The following MECOM variants were observed in gnomAD, a reference collection of about 807,000 sequenced individuals.
MECOM encodes the protein MDS1 and EVI1 complex locus, also known as histone-lysine N-methyltransferase MECOM.
In MECOM, 13 loss-of-function variants were observed where a neutral mutation model predicts 116.3. The observed-to-expected ratio is 0.11, with a 90% confidence interval of 0.07 to 0.18. The LOEUF (loss-of-function observed/expected upper bound fraction) is 0.18. Ranked by LOEUF, MECOM falls within the 10% of genes least tolerant of loss-of-function variation. The probability of loss-of-function intolerance (pLI) is 1.00; values close to 1 mark genes in which losing one functional copy is unlikely to be tolerated. For synonymous variants in MECOM, 528 were observed against 535.2 expected (o/e 0.99, Z 0.19); for missense variants, 1,299 against 1,509.0 (o/e 0.86, Z 2.31).
At chr3:169,629,375 T>C (rs1401540742) in intron 1 of MECOM, among the ~76,000 whole-genome samples, 1 of 152,084 alleles carries the variant, frequency 6.6e-6, no homozygotes, top group Non-Finnish European at 1.5e-5. Flanking sequence ...TCTGTTGTAG[T>C]ATATATACCC....
At position 169,584,564 on chromosome 3, in the gene MECOM, CAAAAAAAA is replaced by C. The variant is rs11323716; in HGVS notation, c.37+78764_37+78771del. Among the ~76,000 whole-genome samples the C allele has an allele frequency of 2.7e-3, 298 of 108,396 alleles. 5 individuals are homozygous for C. The highest frequency in any genetic ancestry group is 0.023 in the Middle Eastern group (5 of 214). 71.1% of individuals were successfully genotyped at this position (108,396 alleles called of 152,430 possible). The stretch of plus-strand genomic sequence containing the variant: ...TGGGCGAAAGAGCGAAACTCCACCT[CAAAAAAAA>C]AAAAAAAAAAATTACAGAAGAAAAT... On this transcript the variant is annotated intron_variant, in intron 1 of 16. Coordinates refer to ENST00000651503, the MANE Select transcript of MECOM (RefSeq NM_004991.4).
rs868328865 is a variant in MECOM, at chr3:169,116,852, T to C, written c.1133-113A>G. 48 of 1,349,574 alleles carry C rather than the reference T, an allele frequency of 3.6e-5. No homozygotes were observed. The Middle Eastern group carries it at 1.1e-3, about 32-fold the overall frequency. 83.6% of individuals were successfully genotyped at this position (1,349,574 alleles called of 1,614,324 possible). ...TCAATTAGGAAGCCAGTAAAAGACA[T>C]TGGAGGCACCAATCTGGGTGCTCCA... is the stretch of plus-strand genomic sequence containing the variant. On this transcript the variant is annotated intron_variant, in intron 7 of 16. Transcript: ENST00000651503.
chr3:169,284,392 A>C (rs1390908546), intron 2 of MECOM, among the ~76,000 whole-genome samples: 1 of 152,028 alleles, frequency 6.6e-6, no homozygotes. Context: ...TAAGAAGTCT[A>C]TTTTTCCCTC....
intron 1 of MECOM, among the ~76,000 whole-genome samples, chr3:169,462,556 G>A (rs918246462): frequency 6.6e-6 from 1 of 152,078 alleles, no homozygotes; most frequent in Non-Finnish European, 1.5e-5. Flanking sequence ...TCATATGTTA[G>A]CACTCAAATC....
At chr3:169,123,999 A>G (rs1731956396) in intron 5 of MECOM, among the ~76,000 whole-genome samples, 1 of 152,138 alleles carries the variant, frequency 6.6e-6, no homozygotes, top group Admixed American at 6.5e-5. Context: ...ACTTTGGGGT[A>G]AACAAATAGG....
At chr3:169,269,736 G>A (rs1397471107) in intron 2 of MECOM, among the ~76,000 whole-genome samples, 1 of 152,102 alleles carries the variant, frequency 6.6e-6, no homozygotes, top group Non-Finnish European at 1.5e-5. Flanking sequence ...TGGCACCCAA[G>A]TATGTCTTCA....
chr3:169,471,824 C>G (rs1749295470), intron 1 of MECOM, among the ~76,000 whole-genome samples: 1 of 152,192 alleles, frequency 6.6e-6, no homozygotes, highest in Non-Finnish European at 1.5e-5. Flanking sequence ...TCCATTTATA[C>G]AATTCACTCT....
intron 2 of MECOM, among the ~76,000 whole-genome samples, chr3:169,154,120 GT>G (rs1741589213): frequency 1.3e-5 from 2 of 152,200 alleles, no homozygotes; most frequent in Admixed American, 6.5e-5. Context: ...TTGCAGCTGA[GT>G]TTGTTCTGTT....
At chr3:169,392,771 T>C (rs1734420562) in intron 1 of MECOM, among the ~76,000 whole-genome samples, 2 of 152,316 alleles carry the variant, frequency 1.3e-5, no homozygotes, top group Non-Finnish European at 1.5e-5. Context: ...GCTAGAACTA[T>C]ATATGTACTA....
intron 2 of MECOM, among the ~76,000 whole-genome samples, chr3:169,182,365 T>G (rs1393101954): frequency 6.6e-6 from 1 of 152,228 alleles, no homozygotes; most frequent in Non-Finnish European, 1.5e-5. Flanking sequence ...AAATTATAAA[T>G]CTGGGATTAA....
rs116216864 is a variant in MECOM at position 169,099,584 on chromosome 3, A to T, written c.2849+1301T>A. Among the ~76,000 whole-genome samples the T allele has an allele frequency of 4.2e-3, 607 of 145,740 alleles. 3 individuals carry two copies. The highest frequency in any genetic ancestry group is 0.018 in the South Asian group (81 of 4,570). On this transcript the variant is annotated intron_variant, in intron 12 of 16. Coordinates refer to ENST00000651503, the MANE Select transcript of MECOM (RefSeq NM_004991.4). ...TCTTCTAAGATTTCAATTATCCTCAAATGACCCATTTTCTTATTTTACCAT... is the reference window on the plus strand; with the variant it reads ...TCTTCTAAGATTTCAATTATCCTCATATGACCCATTTTCTTATTTTACCAT...
At chr3:169,351,057 G>A (rs921180218) in intron 2 of MECOM, among the ~76,000 whole-genome samples, 3 of 151,768 alleles carry the variant, frequency 2.0e-5, no homozygotes, top group Admixed American at 6.6e-5. Context: ...TAACTAATCC[G>A]ATTTACATTC....
chr3:169,371,514 T>TACAC (rs35247420), intron 2 of MECOM, among the ~76,000 whole-genome samples: 76,862 of 149,328 alleles, frequency 0.51, 20,024 homozygotes, highest in East Asian at 0.63. Context: ...GTATTTTCAC[T>TACAC]ACACACACAC....
chr3:169,400,247 C>T (rs549276914), intron 1 of MECOM, among the ~76,000 whole-genome samples: 15 of 152,006 alleles, frequency 9.9e-5, no homozygotes, highest in Non-Finnish European at 1.8e-4. Context: ...TACTTGGCTA[C>T]GAGTGGAATG....
At chr3:169,245,264 G>A (rs76669327) in intron 2 of MECOM, among the ~76,000 whole-genome samples, 5,601 of 152,212 alleles carry the variant, frequency 0.037, 153 homozygotes, top group Middle Eastern at 0.19. Context: ...AAAAACAACA[G>A]AACAGCCACG....
intron 2 of MECOM, among the ~76,000 whole-genome samples, chr3:169,246,482 G>A (rs1057072018): frequency 7.4e-5 from 11 of 149,212 alleles, no homozygotes; most frequent in Admixed American, 7.3e-4. Flanking sequence ...CTTGATAAAA[G>A]TTAATTAGAT....
At chr3:169,465,665 T>G (rs1309108223) in intron 1 of MECOM, among the ~76,000 whole-genome samples, 2 of 152,210 alleles carry the variant, frequency 1.3e-5, no homozygotes, top group Non-Finnish European at 2.9e-5. Flanking sequence ...ATTGAACACT[T>G]GGTGTAGATT....
At chr3:169,540,488 A>C (rs990062049) in intron 1 of MECOM, among the ~76,000 whole-genome samples, 3 of 152,326 alleles carry the variant, frequency 2.0e-5, no homozygotes, top group South Asian at 2.1e-4. Context: ...ACCATGTTCA[A>C]TGTGGCCATG....
At chr3:169,352,533 T>TGGGG (rs1207747349) in intron 2 of MECOM, among the ~76,000 whole-genome samples, 1 of 151,852 alleles carries the variant, frequency 6.6e-6, no homozygotes, top group African/African-American at 2.4e-5. Context: ...TGAAACTTGT[T>TGGGG]GGGGGGAAAA....
Sources: gnomAD v4.1 joint callset for allele counts (sites outside exome capture counted in the v4.1 genomes callset) on GRCh38, gnomAD v4.1.1 for gene constraint, MANE v1.5 for transcripts, NCBI Gene and HGNC (gene_info 2026-07-23, HGNC 2026-07-21) for gene names.